Variants in VNN2 observed in about 807,000 individuals in gnomAD.
The protein encoded by VNN2 is vanin 2.
VNN2 carries 43 observed loss-of-function variants against 43.0 expected under a neutral mutation model. That is an observed-to-expected ratio of 1.00 (90% CI 0.78 to 1.29). VNN2 has a LOEUF of 1.29. Among genes scored for constraint, VNN2 ranks in the 50% most tolerant of loss-of-function variants. The pLI, the probability that VNN2 is intolerant of heterozygous loss-of-function variation, is 0.00. For synonymous variants in VNN2, 230 were observed against 224.3 expected, an observed-to-expected ratio of 1.03 and a Z score of -0.23; for missense variants, 652 against 619.7, an observed-to-expected ratio of 1.05 and a Z score of -0.55.
intron 3 of VNN2, among the ~76,000 whole-genome samples, chr6:132,755,089 G>C (rs1425245270): frequency 1.3e-5 from 2 of 152,142 alleles, no homozygotes; most frequent in Admixed American, 6.5e-5. Context: ...AGGATCACTA[G>C]AGCCCAGGAG....
intron 3 of VNN2, among the ~76,000 whole-genome samples, chr6:132,755,554 T>C (rs1467952837): frequency 9.9e-5 from 15 of 152,006 alleles, no homozygotes; most frequent in Admixed American, 9.8e-4. Context: ...TTGTATTTTT[T>C]AGTAGAGACG....
At chr6:132,758,024 CTTCTTCTTCTTCTTCTTTTT>C, upstream of VNN2, 1 of 70,896 alleles carries the variant, frequency 1.4e-5, no homozygotes, top group African/African-American at 1.8e-4. Flanking sequence ...TCTTCTTCTT[CTTCTTCTTCTTCTTCTTTTT>C]TTTTTTTTTT....
intron 6 of VNN2, among the ~76,000 whole-genome samples, chr6:132,746,853 T>C (rs914578827): frequency 1.3e-5 from 2 of 152,130 alleles, no homozygotes; most frequent in African/African-American, 4.8e-5. Context: ...CAAATTTGAT[T>C]AGTATCTGTT....
Position 132,746,232 on chromosome 6 carries a change from GGTGA to G in VNN2, c.1372-1745_1372-1742del, listed in dbSNP as rs547490986. ...AAGATGTTTCCACATTTGTGGGCAT[GGTGA>G]GTAACACCACCCTTTTAACATAAAA... is the stretch of plus-strand genomic sequence containing the variant. On this transcript the variant is annotated intron_variant, in intron 6 of 6. Transcript: ENST00000326499. 8.4e-4 allele frequency among the ~76,000 whole-genome samples: 128 copies of G among 152,300 alleles called. 1 individual carries two copies. Among genetic ancestry groups the G allele is most frequent in the African/African-American group, 1.4e-3 (57 of 41,564 alleles).
chr6:132,756,087 A>G, intron 2 of VNN2, 52 bp from the exon 3 acceptor site: 1 of 1,457,944 alleles, frequency 6.9e-7, no homozygotes, highest in Non-Finnish European at 9.1e-7. Flanking sequence ...TATTTTAGTC[A>G]CTTTATATGG....
At chr6:132,747,015 T>A (rs1562240990) in intron 6 of VNN2, among the ~76,000 whole-genome samples, 1 of 152,162 alleles carries the variant, frequency 6.6e-6, no homozygotes, top group East Asian at 1.9e-4. Context: ...CTCTTTCATA[T>A]CTTTTTTGGT....
upstream of VNN2, among the ~76,000 whole-genome samples, chr6:132,760,338 C>T (rs757264593): frequency 6.6e-6 from 1 of 152,036 alleles, no homozygotes; most frequent in Non-Finnish European, 1.5e-5. Flanking sequence ...ACATGTCAGG[C>T]TAATTTTTGT....
intron 2 of VNN2, 130 bp downstream of exon 2, chr6:132,757,286 A>G: frequency 1.7e-6 from 2 of 1,149,220 alleles, no homozygotes; most frequent in Non-Finnish European, 2.3e-6. Flanking sequence ...AAAATCTGAC[A>G]AATGTTGAGA....
chr6:132,745,633 G>A (rs1280025601), intron 6 of VNN2, among the ~76,000 whole-genome samples: 1 of 152,208 alleles, frequency 6.6e-6, no homozygotes, highest in Admixed American at 6.5e-5. Flanking sequence ...ATTGTTTAAA[G>A]TTACATCACA....
chr6:132,752,790 T>G (rs747870283), intron 3 of VNN2, 41 bp from the exon 4 acceptor site: 2 of 1,565,954 alleles, frequency 1.3e-6, no homozygotes, highest in Non-Finnish European at 8.6e-7. Context: ...AAACCTTATT[T>G]GTTGAAGAAA....
intron 3 of VNN2, among the ~76,000 whole-genome samples, chr6:132,754,255 T>A (rs1367079885): frequency 6.6e-6 from 1 of 152,224 alleles, no homozygotes; most frequent in East Asian, 1.9e-4. Context: ...ATGGAAGCAC[T>A]GACCTTTCTA....
intron 6 of VNN2, among the ~76,000 whole-genome samples, chr6:132,746,578 C>T (rs1468746340): frequency 4.6e-5 from 7 of 151,958 alleles, no homozygotes; most frequent in Non-Finnish European, 7.4e-5. Flanking sequence ...AAAGTGGGCA[C>T]CTTGATCCTA....
chr6:132,761,398 G>A (rs1780735233), upstream of VNN2, among the ~76,000 whole-genome samples: 1 of 150,028 alleles, frequency 6.7e-6, no homozygotes, highest in Admixed American at 6.6e-5. Context: ...AGTGACTCAT[G>A]GTTGTAATCC....
At chr6:132,758,052 T>A (rs796234588), upstream of VNN2, 287 of 526,734 alleles carry the variant, frequency 5.4e-4, 17 homozygotes, top group Admixed American at 3.6e-3. Context: ...TTTTTTTTTT[T>A]TTTTTTTTTT....
In VNN2 at chr6:132,757,265, T is replaced by A. The variant is rs1028975219; in HGVS notation, c.344+151A>T. 3.7e-5 allele frequency: 36 copies of A among 983,242 alleles called. No individual in the cohort carries two copies. In the African/African-American group the frequency reaches 5.7e-4, roughly 16 times the overall value. 60.9% of individuals were successfully genotyped at this position (983,242 alleles called of 1,614,324 possible). A position where few individuals can be genotyped will look rare whatever the true frequency, so the allele number is the denominator to read the frequency against. On this transcript the variant is annotated intron_variant, in intron 2 of 6. Transcript: ENST00000326499. ...AAAAGATTGTTAAATAGTATCTAAG[T>A]ACAATTTTTTAAAATCTGACAAATG...
chr6:132,757,516 C>T lies in VNN2; in HGVS notation c.244G>A (p.Ala82Thr), dbSNP rs1189825814. The T allele has an allele frequency of 1.2e-6, 2 of 1,613,872 alleles. No individual in the cohort carries two copies. Among genetic ancestry groups the T allele is most frequent in the African/African-American group, 1.3e-5 (1 of 74,904 alleles). Residue 82 changes from alanine (A) to threonine (T), a missense_variant, in exon 2 of 7, where the codon GCA becomes ACA. Physicochemically the swap from Ala to Thr is moderately conservative, Grantham distance 58 (BLOSUM62 0). Coordinates refer to ENST00000326499, the MANE Select transcript of VNN2 (RefSeq NM_004665.6). The part of the protein sequence containing the change: ...GARIIVTPED[A>T]LYGWKFTRET... ...CTGGTAAATTTCCATCCATAAAGTG[C>T]ATCTTCTGGAGTCACAATGATTCGA...
intron 6 of VNN2, among the ~76,000 whole-genome samples, chr6:132,746,079 T>C (rs1463331138): frequency 1.3e-5 from 2 of 152,210 alleles, no homozygotes; most frequent in Non-Finnish European, 2.9e-5. Context: ...GAGGAAAATA[T>C]TCTCTTCTAT....
In VNN2 at chr6:132,757,433, C is replaced by A; in HGVS notation, c.327G>T (p.Pro109=). 1 of 1,607,842 alleles carries A rather than the reference C, an allele frequency of 6.2e-7. No homozygotes were observed. The highest frequency in any genetic ancestry group is 8.5e-7 in the Non-Finnish European group (1 of 1,178,194). Residue 109 remains proline, a synonymous_variant, in exon 2 of 7, where the codon CCG becomes CCT. Transcript: ENST00000326499. ...TAAAATACCTGTGGGGGTCTTGACACGGAATCCAGTTCACCTGAGGGTCTG... is the reference window on the plus strand; with the variant it reads ...TAAAATACCTGTGGGGGTCTTGACAAGGAATCCAGTTCACCTGAGGGTCTG... ...DIPDPQVNWI[P]CQDPHRFGHT...
rs779651005 is a variant in VNN2, at chr6:132,757,751, C to T, written c.133G>A (p.Val45Ile). 1 of 1,614,108 alleles carries T rather than the reference C, an allele frequency of 6.2e-7. No individual in the cohort carries two copies. Among genetic ancestry groups the T allele is most frequent in the South Asian group, 1.1e-5 (1 of 91,084 alleles). The change falls in exon 1 of 7, where the codon GTT (valine) becomes ATT (isoleucine). Residue 45 changes from valine to isoleucine, a missense_variant. Val to Ile is a conservative substitution (Grantham distance 29, BLOSUM62 3). Transcript: ENST00000326499. ...AGATTCAAGGCATCCTCCTGAGAAA[C>T]TGGTGTTTCTGTTTTATTTGGCAAA... ...VILPNKTETP[V>I]SQEDALNLMN...
Sources: gnomAD v4.1 joint callset for allele counts (sites outside exome capture counted in the v4.1 genomes callset) on GRCh38, gnomAD v4.1.1 for gene constraint, MANE v1.5 for transcripts, NCBI Gene and HGNC (gene_info 2026-07-23, HGNC 2026-07-21) for gene names.